Variants in TK2 observed in about 807,000 individuals in gnomAD.
TK2 encodes the protein thymidine kinase 2, mitochondrial.
Under a neutral mutation model 41.9 loss-of-function variants are expected in TK2, and 35 were observed. That is an observed-to-expected ratio of 0.84 (90% CI 0.64 to 1.11). The LOEUF is 1.11. TK2 is among the 50% of genes least tolerant of loss of function. The probability of loss-of-function intolerance (pLI) is 0.00; values close to 1 mark genes in which losing one functional copy is unlikely to be tolerated. For synonymous variants in TK2, 128 were observed against 129.1 expected, an observed-to-expected ratio of 0.99 and a Z score of 0.06; for missense variants, 320 against 351.1, an observed-to-expected ratio of 0.91 and a Z score of 0.71.
At position 66,517,644 on chromosome 16, in the gene TK2, G is replaced by A. The variant is rs1964654053; in HGVS notation, c.538+145C>T. ...AAGTCCCGAATTCTGTCTGCCCTCA[G>A]GGAGAAAGCTGAACTCCCATGGGGA... On this transcript the variant is annotated intron_variant, in intron 7 of 9. Transcript: ENST00000544898. The surrounding 1 kb of genome is among the most constrained non-coding windows in gnomAD (Gnocchi z 4.3). 1.3e-6 allele frequency: 1 copy of A among 767,994 alleles called. No individual in the cohort carries two copies. Among genetic ancestry groups the A allele is most frequent in the African/African-American group, 1.7e-5 (1 of 58,194 alleles). The allele number at this position is 767,994 out of a possible 1,614,324, so 47.6% of individuals were successfully genotyped here. A position where few individuals can be genotyped will look rare whatever the true frequency, so the allele number is the denominator to read the frequency against.
rs1022393809 is a variant in TK2 at position 66,517,031 on chromosome 16, A to G, written c.618+105T>C. 2.3e-5 allele frequency: 23 copies of G among 1,016,044 alleles called. No individual in the cohort carries two copies. The African/African-American group carries it at 3.6e-4, about 16-fold the overall frequency. The allele number at this position is 1,016,044 out of a possible 1,614,324, so 62.9% of individuals were successfully genotyped here. ...ACTTGGTTCCTGTTCTCTCTCTGCA[A>G]ACAAGGGCACAATGATCTCATGGGG... On this transcript the variant is annotated intron_variant, in intron 8 of 9. Transcript: ENST00000544898. This position sits in a 1 kb window ranked among gnomAD's most constrained non-coding sequence, Gnocchi z 4.3.
chr16:66,526,508 G>A (rs1358546275), intron 6 of TK2, among the ~76,000 whole-genome samples: 1 of 152,184 alleles, frequency 6.6e-6, no homozygotes, highest in Admixed American at 6.5e-5. Flanking sequence ...CCAGTACTTT[G>A]GGAAGCTGAG....
chr16:66,512,850 G>A (rs1158877370), intron 9 of TK2, among the ~76,000 whole-genome samples: 2 of 152,158 alleles, frequency 1.3e-5, no homozygotes, highest in East Asian at 3.8e-4. Flanking sequence ...GCCTGCAAGA[G>A]CCATAAGCAG....
rs1964566595 is a variant in TK2, at chr16:66,514,952, A to G, written c.619-1141T>C. On this transcript the variant is annotated intron_variant, in intron 8 of 9. Transcript: ENST00000544898. This position sits in a 1 kb window ranked among gnomAD's most constrained non-coding sequence, Gnocchi z 4.2. Reference sequence around the variant, plus strand: ...CGATGCAAGATGTGCTTTGTTAAACAGATGCTTGAAGGTAGCATACTCATT... The same window carrying G: ...CGATGCAAGATGTGCTTTGTTAAACGGATGCTTGAAGGTAGCATACTCATT... Among the ~76,000 whole-genome samples, 1 of 152,218 alleles carries G rather than the reference A, an allele frequency of 6.6e-6. No individual in the cohort carries two copies. The highest frequency in any genetic ancestry group is 1.5e-5 in the Non-Finnish European group (1 of 68,038).
At chr16:66,521,097 GGA>G (rs1167970610) in intron 6 of TK2, among the ~76,000 whole-genome samples, 1 of 152,192 alleles carries the variant, frequency 6.6e-6, no homozygotes, top group Non-Finnish European at 1.5e-5. Flanking sequence ...ACAGCTCGAG[GGA>G]GACTCTGTCC....
Position 66,509,565 on chromosome 16 carries a change from G to C in TK2, c.*2403C>G, listed in dbSNP as rs914414481. Reference sequence around the variant, plus strand: ...AACAAAAAAGTCAGCGAGAGGTAGAGCAGCTGAGCAGCTCTGCGGTGTACT... The same window carrying C: ...AACAAAAAAGTCAGCGAGAGGTAGACCAGCTGAGCAGCTCTGCGGTGTACT... On this transcript the variant is annotated 3_prime_UTR_variant, in exon 10 of 10. Coordinates refer to ENST00000544898, the MANE Select transcript of TK2 (RefSeq NM_004614.5). The C allele has an allele frequency of 2.2e-4, 34 of 152,366 alleles. No individual in the cohort carries two copies. Among genetic ancestry groups the C allele is most frequent in the African/African-American group, 7.7e-4 (32 of 41,588 alleles). The allele number at this position is 152,366 out of a possible 1,614,324, so 9.4% of individuals were successfully genotyped here.
At chr16:66,545,439 A>G (rs1567541344) in intron 2 of TK2, among the ~76,000 whole-genome samples, 2 of 152,226 alleles carry the variant, frequency 1.3e-5, no homozygotes, top group Non-Finnish European at 2.9e-5. Flanking sequence ...GTGGATAAAC[A>G]AAGTGCACTA....
At chr16:66,520,623 C>T (rs143644911) in intron 6 of TK2, among the ~76,000 whole-genome samples, 2,576 of 152,262 alleles carry the variant, frequency 0.017, 41 homozygotes, top group South Asian at 0.04. Flanking sequence ...GAGTGAGAAG[C>T]CCAATGCTGC....
At position 66,550,101 on chromosome 16, in the gene TK2, G is replaced by C. The variant is rs1237970981; in HGVS notation, c.-40C>G. The C allele has an allele frequency of 1.9e-6, 3 of 1,608,226 alleles. No homozygotes were observed. In the Admixed American group the frequency reaches 5.1e-5, roughly 27 times the overall value. ...ATCCAGAGGCCCGGGGTTCCTTCTTGTGCGAGTCGGCGCGGACGACTGCTA... is the reference window on the plus strand; with the variant it reads ...ATCCAGAGGCCCGGGGTTCCTTCTTCTGCGAGTCGGCGCGGACGACTGCTA... On this transcript the variant is annotated 5_prime_UTR_variant, in exon 1 of 10. Transcript: ENST00000544898.
intron 4 of TK2, among the ~76,000 whole-genome samples, chr16:66,532,853 C>CT (rs555560315): frequency 4.0e-5 from 6 of 148,974 alleles, no homozygotes; most frequent in African/African-American, 1.3e-4. Context: ...CTATGACAGT[C>CT]TTTGCAAAAA....
chr16:66,527,014 C>G (rs915219214), intron 6 of TK2, among the ~76,000 whole-genome samples: 1 of 152,220 alleles, frequency 6.6e-6, no homozygotes, highest in Non-Finnish European at 1.5e-5. Context: ...ACAAACATAA[C>G]AGAGGCTCCC....
At position 66,549,006 on chromosome 16, in the gene TK2, TTATC is replaced by T; in HGVS notation, c.125-1_127del. 6.2e-7 allele frequency: 1 copy of T among 1,613,870 alleles called. No individual in the cohort carries two copies. The highest frequency in any genetic ancestry group is 2.2e-5 in the East Asian group (1 of 44,872). On this transcript the variant is annotated splice_acceptor_variant and coding_sequence_variant, in exon 2 of 10. Transcript: ENST00000544898. LOFTEE classifies it high-confidence loss of function. Reference sequence around the variant, plus strand: ...TGATTTTTTCTCTTTTTCCTGTTCTTTATCTACAAAAGAAAGGAAATCAGTTTTT... The same window carrying T: ...TGATTTTTTCTCTTTTTCCTGTTCTTTACAAAAGAAAGGAAATCAGTTTTT...
At chr16:66,546,069 CA>C (rs1339800647) in intron 2 of TK2, among the ~76,000 whole-genome samples, 2 of 151,390 alleles carry the variant, frequency 1.3e-5, no homozygotes, top group Non-Finnish European at 3.0e-5. Context: ...ATCTCTACAA[CA>C]AATACAAAAA....
chr16:66,529,614 G>A (rs1289352908), intron 5 of TK2, among the ~76,000 whole-genome samples: 1 of 152,166 alleles, frequency 6.6e-6, no homozygotes, highest in Non-Finnish European at 1.5e-5. Flanking sequence ...CTTTCTGCCA[G>A]GATGCTCAAA....
intron 2 of TK2, among the ~76,000 whole-genome samples, chr16:66,545,275 T>C (rs1250075514): frequency 2.6e-5 from 4 of 152,192 alleles, no homozygotes; most frequent in African/African-American, 9.7e-5. Flanking sequence ...GCAATCATTG[T>C]CATTTGGATG....
intron 3 of TK2, 72 bp from the exon 4 acceptor site, chr16:66,537,089 G>A: frequency 1.3e-6 from 2 of 1,588,720 alleles, no homozygotes; most frequent in Middle Eastern, 1.7e-4. Context: ...AAGTGTTGAG[G>A]GGAAAGTGAG....
At chr16:66,524,377 T>C (rs1964868176) in intron 6 of TK2, among the ~76,000 whole-genome samples, 1 of 152,150 alleles carries the variant, frequency 6.6e-6, no homozygotes, top group Non-Finnish European at 1.5e-5. Flanking sequence ...ACTGTGTCAC[T>C]TGGGCTGGAG....
intron 2 of TK2, among the ~76,000 whole-genome samples, chr16:66,544,873 G>A (rs1316732016): frequency 6.6e-6 from 1 of 152,128 alleles, no homozygotes; most frequent in Non-Finnish European, 1.5e-5. Flanking sequence ...GATCATTTGA[G>A]GTCAGGAGAT....
intron 4 of TK2, among the ~76,000 whole-genome samples, chr16:66,533,016 CAACT>C (rs1416466770): frequency 3.9e-5 from 6 of 151,968 alleles, no homozygotes; most frequent in Non-Finnish European, 7.4e-5. Flanking sequence ...ACATTCCCAC[CAACT>C]ATGTATGAGG....
Sources: allele counts gnomAD v4.1 joint callset (sites outside exome capture counted in the v4.1 genomes callset), GRCh38; gene constraint gnomAD v4.1.1; non-coding constraint Gnocchi (gnomAD v3.1); transcripts MANE v1.5; gene names NCBI Gene and HGNC (gene_info 2026-07-23, HGNC 2026-07-21).